NBEAL2: variants seen among roughly 807,000 people sequenced by gnomAD.
NBEAL2 encodes the protein neurobeachin like 2, also known as neurobeachin-like protein 2.
In NBEAL2, 160 loss-of-function variants were observed where a neutral mutation model predicts 299.8. The ratio of observed to expected loss-of-function variants is 0.53; its 90% CI spans 0.47 to 0.61. The LOEUF (loss-of-function observed/expected upper bound fraction) is 0.61. Ranked by LOEUF, NBEAL2 falls within the 20% of genes least tolerant of loss-of-function variation. The probability of loss-of-function intolerance (pLI) is 0.00; values close to 1 mark genes in which losing one functional copy is unlikely to be tolerated. For missense variants in NBEAL2, 3,112 were observed against 3,649.0 expected (o/e 0.85, Z 3.79); for synonymous variants, 1,493 against 1,542.3 (o/e 0.97, Z 0.75).
chr3:46,997,761 G>GT, intron 20 of NBEAL2, 67 bp downstream of exon 20: 17 of 1,428,392 alleles, frequency 1.2e-5, no homozygotes, highest in Non-Finnish European at 1.6e-5. Flanking sequence ...AGGGGACTGA[G>GT]TGGGGAACCC....
At position 47,005,163 on chromosome 3, in the gene NBEAL2, G is replaced by A. The variant is rs776684908; in HGVS notation, c.6420-18G>A. 2.2e-5 allele frequency: 35 copies of A among 1,613,810 alleles called. No individual in the cohort carries two copies. The highest frequency in any genetic ancestry group is 2.0e-4 in the East Asian group (9 of 44,878). On this transcript the variant is annotated intron_variant, in intron 39 of 53. Coordinates refer to ENST00000450053, the MANE Select transcript of NBEAL2 (RefSeq NM_015175.3). ...GCGAGGGGAGGGCTTCTGCTGACACGTCCAACTGTGGCCCCAGGTATGAAA... is the reference window on the plus strand; with the variant it reads ...GCGAGGGGAGGGCTTCTGCTGACACATCCAACTGTGGCCCCAGGTATGAAA...
chr3:46,983,470 C>T (rs1274659854), intron 1 of NBEAL2, among the ~76,000 whole-genome samples: 3 of 151,874 alleles, frequency 2.0e-5, no homozygotes, highest in African/African-American at 4.8e-5. Flanking sequence ...CCACCACACC[C>T]GGCTAATTTT....
rs2037740890 is a variant in NBEAL2, at chr3:47,009,497, G to T, written c.*177G>T. The T allele has an allele frequency of 6.0e-6, 4 of 664,852 alleles. No individual in the cohort carries two copies. In the South Asian group the frequency reaches 7.5e-5, roughly 12 times the overall value. 41.2% of individuals were successfully genotyped at this position (664,852 alleles called of 1,614,324 possible). The stretch of plus-strand genomic sequence containing the variant: ...CCCCCTCAGGGATTGGCGGGCGGAA[G>T]TCCCGCCCCTCGCCGGCTGAGGGGC... On this transcript the variant is annotated 3_prime_UTR_variant, in exon 54 of 54. Transcript: ENST00000450053.
At position 47,005,495 on chromosome 3, in the gene NBEAL2, C is replaced by A; in HGVS notation, c.6567C>A (p.Asp2189Glu). The A allele has an allele frequency of 1.2e-6, 2 of 1,611,514 alleles. No individual in the cohort carries two copies. The highest frequency in any genetic ancestry group is 1.7e-6 in the Non-Finnish European group (2 of 1,179,000). Reference sequence around the variant, plus strand: ...CCCCGTGCCCCTCCCCCAGCTTTGACTGCTCCGACCGGCAGTTCCACTCGG... The same window carrying A: ...CCCCGTGCCCCTCCCCCAGCTTTGAATGCTCCGACCGGCAGTTCCACTCGG... ...LHVQLQSGRF[D>E]CSDRQFHSVA... Residue 2189 changes from aspartate to glutamate, a missense_variant, in exon 41 of 54, where the codon GAC becomes GAA. Transcript: ENST00000450053.
Position 47,001,261 on chromosome 3 carries a change from T to C in NBEAL2, c.4485-18T>C. ...AAGATAGTCAGGTAGACCCTTGAGT[T>C]CCCCACTCACCCGCCAGCCTCCTGG... On this transcript the variant is annotated intron_variant, in intron 28 of 53. Transcript: ENST00000450053. The surrounding 1 kb of genome is among the most constrained non-coding windows in gnomAD (Gnocchi z 6.1). 1 of 1,600,842 alleles carries C rather than the reference T, an allele frequency of 6.2e-7. No individual in the cohort carries two copies. Among genetic ancestry groups the C allele is most frequent in the Non-Finnish European group, 8.5e-7 (1 of 1,170,360 alleles).
intron 50 of NBEAL2, 21 bp downstream of exon 50, chr3:47,008,207 T>C (rs1207453020): frequency 6.2e-7 from 1 of 1,613,608 alleles, no homozygotes; most frequent in Non-Finnish European, 8.5e-7. Flanking sequence ...GCATGTGCCC[T>C]GGGGAGGGTG....
Position 46,988,053 on chromosome 3 carries a change from A to C in NBEAL2, c.52-616A>C. The C allele has an allele frequency of 1.6e-6, 2 of 1,268,296 alleles. No individual in the cohort carries two copies. The highest frequency in any genetic ancestry group is 2.0e-6 in the Non-Finnish European group (2 of 978,796). The allele number at this position is 1,268,296 out of a possible 1,614,324, so 78.6% of individuals were successfully genotyped here. ...AGCCACTGCCCCTCTTGCCCATGGA[A>C]CCAGCTCTGGGGCCTGGGGTCCAGG... is the stretch of plus-strand genomic sequence containing the variant. On this transcript the variant is annotated intron_variant, in intron 1 of 53. Coordinates refer to ENST00000450053, the MANE Select transcript of NBEAL2 (RefSeq NM_015175.3). This position sits in a 1 kb window ranked among gnomAD's most constrained non-coding sequence, Gnocchi z 4.4.
intron 45 of NBEAL2, among the ~76,000 whole-genome samples, 185 bp downstream of exon 45, chr3:47,006,634 G>A (rs1009046074): frequency 2.0e-5 from 3 of 152,202 alleles, no homozygotes; most frequent in Admixed American, 6.5e-5. Flanking sequence ...TCAGGGCCAG[G>A]ATAAAGTGTC....
rs371590316 is a variant in NBEAL2 at position 47,004,631 on chromosome 3, G to A, written c.6294+41G>A. ...TGCACCCCTCCACCCCTGCCCCTCT[G>A]ACCTGTCAGCCCTTGGTTCCCCCAA... On this transcript the variant is annotated intron_variant, in intron 38 of 53. Coordinates refer to ENST00000450053, the MANE Select transcript of NBEAL2 (RefSeq NM_015175.3). This position sits in a 1 kb window ranked among gnomAD's most constrained non-coding sequence, Gnocchi z 5.0. 88 of 1,585,282 alleles carry A rather than the reference G, an allele frequency of 5.6e-5. No individual in the cohort carries two copies. Among genetic ancestry groups the A allele is most frequent in the Non-Finnish European group, 7.1e-5 (82 of 1,154,964 alleles).
rs1311217389 is a variant in NBEAL2, at chr3:47,000,701, A to G, written c.4305+297A>G. Among the ~76,000 whole-genome samples the G allele has an allele frequency of 1.3e-5, 2 of 152,144 alleles. No individual in the cohort carries two copies. The highest frequency in any genetic ancestry group is 2.9e-5 in the Non-Finnish European group (2 of 68,024). On this transcript the variant is annotated intron_variant, in intron 27 of 53. Transcript: ENST00000450053. This position sits in a 1 kb window ranked among gnomAD's most constrained non-coding sequence, Gnocchi z 4.5. ...ACAGGGTCCAAGGGCAGCAAACTCCAAAGGCCCTGCCCTGGGCTTCTGGGT... is the reference window on the plus strand; with the variant it reads ...ACAGGGTCCAAGGGCAGCAAACTCCGAAGGCCCTGCCCTGGGCTTCTGGGT...
intron 52 of NBEAL2, 77 bp from the exon 53 acceptor site, chr3:47,008,912 T>C: frequency 6.4e-7 from 1 of 1,569,554 alleles, no homozygotes. Flanking sequence ...AGAGAGGGTA[T>C]ATGGGATAAG....
rs2037217147 is a variant in NBEAL2 at position 47,003,881 on chromosome 3, T to G, written c.5786T>G (p.Val1929Gly). ...KLVLSAECQL[V>G]TVVAVVPGLL... Reference sequence around the variant, plus strand: ...GTGCTGTCGGCCGAGTGCCAGCTGGTGACGGTAGTGGCCGTGGTCCCAGGG... The same window carrying G: ...GTGCTGTCGGCCGAGTGCCAGCTGGGGACGGTAGTGGCCGTGGTCCCAGGG... The change falls in exon 36 of 54, where the codon GTG becomes GGG. Residue 1929 changes from valine to glycine, a missense_variant. Transcript: ENST00000450053. This position sits in a 1 kb window ranked among gnomAD's most constrained non-coding sequence, Gnocchi z 7.0. The G allele has an allele frequency of 6.2e-7, 1 of 1,613,566 alleles. No homozygotes were observed. Among genetic ancestry groups the G allele is most frequent in the Non-Finnish European group, 8.5e-7 (1 of 1,179,682 alleles).
Position 46,994,519 on chromosome 3 carries a change from C to T in NBEAL2, c.1262C>T (p.Pro421Leu), listed in dbSNP as rs939002230. 7 of 1,592,174 alleles carry T rather than the reference C, an allele frequency of 4.4e-6. No individual in the cohort carries two copies. The highest frequency in any genetic ancestry group is 1.6e-4 in the Middle Eastern group (1 of 6,066). Residue 421 changes from proline (P) to leucine (L), a missense_variant, in exon 12 of 54, where the codon CCC (proline) becomes CTC (leucine). Physicochemically the swap from Pro to Leu is moderately conservative, Grantham distance 98. Around this residue, in one of 3 missense-constraint regions of NBEAL2, gnomAD observed 2,243 missense variants for 2,538.1 expected, o/e 0.88. Coordinates refer to ENST00000450053, the MANE Select transcript of NBEAL2 (RefSeq NM_015175.3). ...LQEVLQSHGP[P>L]THRLLQELLN... is the part of the protein sequence containing the mutation. ...GAGGTTCTGCAGAGCCATGGTCCCC[C>T]CACCCATCGGCTGTTGCAAGAGCTG...
In NBEAL2 at chr3:46,979,832, C is replaced by T; in HGVS notation, c.-30C>T. On this transcript the variant is annotated 5_prime_UTR_variant, in exon 1 of 54. Coordinates refer to ENST00000450053, the MANE Select transcript of NBEAL2 (RefSeq NM_015175.3). ...GCGCGGAGGAGGCGGCGACAGGTGG[C>T]GCGCAGCAGGGCCGGAGCCGGGCCG... is the stretch of plus-strand genomic sequence containing the variant. 2.4e-6 allele frequency: 1 copy of T among 418,314 alleles called. No homozygotes were observed. Among genetic ancestry groups the T allele is most frequent in the Non-Finnish European group, 4.2e-6 (1 of 239,434 alleles). 25.9% of individuals were successfully genotyped at this position (418,314 alleles called of 1,614,324 possible). A position where few individuals can be genotyped will look rare whatever the true frequency, so the allele number is the denominator to read the frequency against.
Position 46,998,138 on chromosome 3 carries a change from G to A in NBEAL2, c.3030G>A (p.Glu1010=), listed in dbSNP as rs1415432447. ...AQLLMEQVAA[E]GSGPLLYLLY... is the part of the protein sequence containing the mutation. ...TGCTGATGGAGCAGGTGGCAGCTGAGGGCAGCGGGCCCCTCCTGTACCTAC... is the reference window on the plus strand; with the variant it reads ...TGCTGATGGAGCAGGTGGCAGCTGAAGGCAGCGGGCCCCTCCTGTACCTAC... The change falls in exon 21 of 54, where the codon GAG becomes GAA. Residue 1010 remains glutamate (E), a synonymous_variant. Coordinates refer to ENST00000450053, the MANE Select transcript of NBEAL2 (RefSeq NM_015175.3). 6.3e-6 allele frequency: 10 copies of A among 1,596,362 alleles called. No homozygotes were observed. In the Admixed American group the frequency reaches 1.7e-4, roughly 28 times the overall value.
chr3:46,995,065 C>T lies in NBEAL2; in HGVS notation c.1330C>T (p.Pro444Ser). Residue 444 changes from proline to serine, a missense_variant, in exon 13 of 54, where the codon CCA becomes TCA. Around this residue, in one of 3 missense-constraint regions of NBEAL2, gnomAD observed 2,243 missense variants for 2,538.1 expected, o/e 0.88. Coordinates refer to ENST00000450053, the MANE Select transcript of NBEAL2 (RefSeq NM_015175.3). ...VEGDHSMCPP[P>S]PIRNEQPVLV... ...GGGTGACCACAGCATGTGCCCACCT[C>T]CACCAATCCGCAACGAGCAGCCGGT... 1 of 1,558,010 alleles carries T rather than the reference C, an allele frequency of 6.4e-7. No individual in the cohort carries two copies. The highest frequency in any genetic ancestry group is 8.7e-7 in the Non-Finnish European group (1 of 1,148,314).
rs1005385535 is a variant in NBEAL2 at position 46,996,298 on chromosome 3, G to A, written c.2179G>A (p.Ala727Thr). Residue 727 changes from alanine to threonine, a missense_variant, in exon 16 of 54, where the codon GCT becomes ACT. Ala to Thr is a moderately conservative substitution (Grantham distance 58, BLOSUM62 0). This residue lies in a region of NBEAL2 where 2,243 missense variants were observed against 2,538.1 expected (regional missense o/e 0.88). Coordinates refer to ENST00000450053, the MANE Select transcript of NBEAL2 (RefSeq NM_015175.3). ...TTTCTCCTCCTGCTGTATCGGCTCC[G>A]CTGGATACCGCACAACGACCACCAC... is the stretch of plus-strand genomic sequence containing the variant. The part of the protein sequence containing the change: ...EPFSSCCIGS[A>T]GYRTTTTTTG... 35 of 1,608,656 alleles carry A rather than the reference G, an allele frequency of 2.2e-5. No homozygotes were observed. Among genetic ancestry groups the A allele is most frequent in the Admixed American group, 8.3e-5 (5 of 59,988 alleles).
At position 46,992,476 on chromosome 3, in the gene NBEAL2, T is replaced by C; in HGVS notation, c.1034T>C (p.Leu345Pro). ...HLTRLIQNSK[L>P]YLQSRAPPEG... ...CTGTGCCTCCCCACTTCCCCACAGC[T>C]GTACCTGCAGTCCCGGGCGCCCCCC... is the stretch of plus-strand genomic sequence containing the variant. The change falls in exon 10 of 54, where the codon CTG becomes CCG. Residue 345 changes from leucine (L) to proline (P), a missense_variant and splice_region_variant. By Grantham distance (98) the Leu-to-Pro change is moderately conservative. Around this residue, in one of 3 missense-constraint regions of NBEAL2, gnomAD observed 2,243 missense variants for 2,538.1 expected, o/e 0.88. Transcript: ENST00000450053. 3 of 1,605,444 alleles carry C rather than the reference T, an allele frequency of 1.9e-6. No individual in the cohort carries two copies. Among genetic ancestry groups the C allele is most frequent in the Non-Finnish European group, 1.7e-6 (2 of 1,176,478 alleles).
In NBEAL2 at chr3:46,989,388, C is replaced by A. The variant is rs1178085135; in HGVS notation, c.473+7C>A. 1 of 1,574,536 alleles carries A rather than the reference C, an allele frequency of 6.4e-7. No homozygotes were observed. Among genetic ancestry groups the A allele is most frequent in the East Asian group, 2.3e-5 (1 of 42,684 alleles). On this transcript the variant is annotated splice_region_variant and intron_variant, in intron 5 of 53. Coordinates refer to ENST00000450053, the MANE Select transcript of NBEAL2 (RefSeq NM_015175.3). The surrounding 1 kb of genome is among the most constrained non-coding windows in gnomAD (Gnocchi z 5.5). ...GGCGGCGCCAGCGCAGTGGGTGAGACCCAGCCCACAGGAAGGGAACCCAGA... is the reference window on the plus strand; with the variant it reads ...GGCGGCGCCAGCGCAGTGGGTGAGAACCAGCCCACAGGAAGGGAACCCAGA...
Sources: allele counts gnomAD v4.1 joint callset (sites outside exome capture counted in the v4.1 genomes callset), GRCh38; gene constraint gnomAD v4.1.1; regional missense constraint gnomAD v4.1.1; non-coding constraint Gnocchi (gnomAD v3.1); transcripts MANE v1.5; gene names NCBI Gene and HGNC (gene_info 2026-07-23, HGNC 2026-07-21).